The following DERL1 variants were observed in gnomAD, a reference collection of about 807,000 sequenced individuals.
The protein encoded by DERL1 is derlin 1.
Under a neutral mutation model 41.6 loss-of-function variants are expected in DERL1, and 24 were observed. That is an observed-to-expected ratio of 0.58 (90% CI 0.42 to 0.81). The LOEUF (loss-of-function observed/expected upper bound fraction) is 0.81, where lower values mean the gene tolerates loss of function less well. Ranked by LOEUF, DERL1 falls within the 30% of genes least tolerant of loss-of-function variation. DERL1 has a pLI of 0.00. For synonymous variants in DERL1, 124 were observed against 112.5 expected, an observed-to-expected ratio of 1.10 and a Z score of -0.65; for missense variants, 260 against 314.3, an observed-to-expected ratio of 0.83 and a Z score of 1.31.
At position 123,015,498 on chromosome 8, in the gene DERL1, G is replaced by A. The variant is rs778081614; in HGVS notation, c.705C>T (p.Gly235=). The A allele has an allele frequency of 3.1e-6, 5 of 1,613,080 alleles. No homozygotes were observed. Among genetic ancestry groups the A allele is most frequent in the Non-Finnish European group, 3.4e-6 (4 of 1,179,688 alleles). ...ASMRRAADQN[G]GGGRHNWGQG... ...GGCCCCAGTTGTGTCTCCCGCCTCC[G>A]CCATTCTGATCAGCAGCTCGCCTCA... is the stretch of plus-strand genomic sequence containing the variant. The change falls in exon 8 of 8, where the codon GGC becomes GGT. Residue 235 remains glycine, a synonymous_variant. Transcript: ENST00000259512.
intron 1 of DERL1, 122 bp from the exon 2 acceptor site, chr8:123,030,838 A>G: frequency 1.5e-6 from 1 of 671,762 alleles, no homozygotes; most frequent in Non-Finnish European, 2.6e-6. Context: ...TGATCCTACC[A>G]ACACAACTCA....
rs1813017904 is a variant in DERL1, at chr8:123,040,235, G to A, written c.153+1735C>T. 2.0e-5 allele frequency among the ~76,000 whole-genome samples: 3 copies of A among 152,166 alleles called. No homozygotes were observed. In the South Asian group the frequency reaches 6.2e-4, roughly 32 times the overall value. On this transcript the variant is annotated intron_variant, in intron 1 of 7. Coordinates refer to ENST00000259512, the MANE Select transcript of DERL1 (RefSeq NM_024295.6). ...TCCGTCTCCAAAAAAAAGAAAGAAA[G>A]AAAGAAAAATGAAGGATAAGGGATA...
At position 123,041,854 on chromosome 8, in the gene DERL1, G is replaced by A. The variant is rs900448728; in HGVS notation, c.153+116C>T. ...GACCCCGCCCTAAACCGCCGGCGCCGGACCCACTACAAATCCCAGCAGGCA... is the reference window on the plus strand; with the variant it reads ...GACCCCGCCCTAAACCGCCGGCGCCAGACCCACTACAAATCCCAGCAGGCA... On this transcript the variant is annotated intron_variant, in intron 1 of 7. Transcript: ENST00000259512. 7.7e-5 allele frequency: 107 copies of A among 1,381,402 alleles called. No individual in the cohort carries two copies. The South Asian group carries it at 1.6e-3, about 20-fold the overall frequency. The allele number at this position is 1,381,402 out of a possible 1,614,324, so 85.6% of individuals were successfully genotyped here.
chr8:123,016,561 G>A (rs1563627710), intron 7 of DERL1: 1 of 152,180 alleles, frequency 6.6e-6, no homozygotes, highest in Non-Finnish European at 1.5e-5. Flanking sequence ...GGTGCTGCCT[G>A]CTTATAAATT....
chr8:123,022,430 G>T (rs1812580775), intron 5 of DERL1, among the ~76,000 whole-genome samples: 1 of 152,102 alleles, frequency 6.6e-6, no homozygotes, highest in South Asian at 2.1e-4. Flanking sequence ...CTCTAACACA[G>T]ACACATAAGA....
intron 2 of DERL1, chr8:123,025,631 T>C (rs1193078341): frequency 6.6e-6 from 1 of 152,200 alleles, no homozygotes. Flanking sequence ...TGGCCTTAGA[T>C]ACTGAAAAAG....
intron 2 of DERL1, among the ~76,000 whole-genome samples, chr8:123,029,061 C>T (rs970058703): frequency 6.6e-6 from 1 of 151,164 alleles, no homozygotes; most frequent in African/African-American, 2.4e-5. Flanking sequence ...GAGCAAGACC[C>T]TGTCTCAAAA....
chr8:123,037,605 T>C (rs1812954993), intron 1 of DERL1, among the ~76,000 whole-genome samples: 1 of 152,196 alleles, frequency 6.6e-6, no homozygotes, highest in Non-Finnish European at 1.5e-5. Flanking sequence ...GGAAAAACAA[T>C]TTGCTATGAT....
chr8:123,026,671 AG>A (rs1490499883), intron 2 of DERL1, among the ~76,000 whole-genome samples: 1 of 152,224 alleles, frequency 6.6e-6, no homozygotes, highest in African/African-American at 2.4e-5. Flanking sequence ...CCACCACTCT[AG>A]ATCACTGTTT....
intron 3 of DERL1, among the ~76,000 whole-genome samples, chr8:123,024,437 T>C (rs926728017): frequency 7.2e-5 from 11 of 152,160 alleles, no homozygotes; most frequent in African/African-American, 2.4e-4. Flanking sequence ...CATCGAGAGC[T>C]GCTGCTGCTC....
chr8:123,013,925 A>C lies in DERL1; in HGVS notation c.*1522T>G, dbSNP rs533082002. 3.5e-4 allele frequency: 54 copies of C among 152,332 alleles called. No homozygotes were observed. Among genetic ancestry groups the C allele is most frequent in the African/African-American group, 1.2e-3 (50 of 41,568 alleles). 9.4% of individuals were successfully genotyped at this position (152,332 alleles called of 1,614,324 possible). Reference sequence around the variant, plus strand: ...CACACAAACTCTATTCAAAATGAGAAGTTGTTTGCCAACTCTCATTTCCTA... The same window carrying C: ...CACACAAACTCTATTCAAAATGAGACGTTGTTTGCCAACTCTCATTTCCTA... On this transcript the variant is annotated 3_prime_UTR_variant, in exon 8 of 8. Transcript: ENST00000259512.
At chr8:123,016,282 T>G (rs1048641727) in intron 7 of DERL1, 1 of 152,242 alleles carries the variant, frequency 6.6e-6, no homozygotes, top group Admixed American at 6.5e-5. Context: ...AATAGTATTT[T>G]CCAACTATTT....
At chr8:123,032,863 CTTTTT>C (rs200724608) in intron 1 of DERL1, among the ~76,000 whole-genome samples, 3 of 122,064 alleles carry the variant, frequency 2.5e-5, no homozygotes, top group Admixed American at 8.0e-5. Flanking sequence ...TTTCTATTTT[CTTTTT>C]TTTTTTTTTT....
chr8:123,025,863 TTAC>T (rs2130473555), intron 2 of DERL1: 1 of 152,254 alleles, frequency 6.6e-6, no homozygotes, highest in African/African-American at 2.4e-5. Context: ...TGACATCAAA[TTAC>T]TAGCACAGTG....
chr8:123,039,757 A>G (rs1371295030), intron 1 of DERL1, among the ~76,000 whole-genome samples: 2 of 152,362 alleles, frequency 1.3e-5, no homozygotes, highest in East Asian at 3.9e-4. Context: ...TGCCCAGCAC[A>G]CAGCAAGTGC....
At chr8:123,022,155 GA>G (rs1812570348) in intron 5 of DERL1, among the ~76,000 whole-genome samples, 1 of 152,168 alleles carries the variant, frequency 6.6e-6, no homozygotes, top group South Asian at 2.1e-4. Context: ...ACAAAGTATT[GA>G]AAAAGCCCAA....
intron 1 of DERL1, among the ~76,000 whole-genome samples, chr8:123,037,868 T>C (rs1413021372): frequency 6.6e-6 from 1 of 152,182 alleles, no homozygotes; most frequent in Non-Finnish European, 1.5e-5. Context: ...AATATAGCCA[T>C]GCAGGCGGCC....
intron 1 of DERL1, among the ~76,000 whole-genome samples, chr8:123,036,014 G>A (rs921614426): frequency 3.9e-5 from 6 of 151,906 alleles, no homozygotes; most frequent in African/African-American, 1.5e-4. Context: ...TGCTGGGTGG[G>A]GAGACACAAC....
chr8:123,025,619 A>G (rs1812666554), intron 2 of DERL1: 1 of 152,294 alleles, frequency 6.6e-6, no homozygotes, highest in Non-Finnish European at 1.5e-5. Context: ...CCTGTACCAC[A>G]CTGGCCTTAG....
Sources: allele counts gnomAD v4.1 joint callset (sites outside exome capture counted in the v4.1 genomes callset), GRCh38; gene constraint gnomAD v4.1.1; transcripts MANE v1.5; gene names NCBI Gene and HGNC (gene_info 2026-07-23, HGNC 2026-07-21).